The following EML6 variants were observed in gnomAD, a reference collection of about 807,000 sequenced individuals.
The protein encoded by EML6 is echinoderm microtubule-associated protein-like 6.
EML6 carries 154 observed loss-of-function variants against 240.1 expected under a neutral mutation model. The observed-to-expected ratio is 0.64, with a 90% confidence interval of 0.56 to 0.73. The LOEUF (loss-of-function observed/expected upper bound fraction) is 0.73, where lower values mean the gene tolerates loss of function less well. EML6 is among the 30% of genes least tolerant of loss of function. The probability of loss-of-function intolerance (pLI) is 0.00; values close to 1 mark genes in which losing one functional copy is unlikely to be tolerated. For missense variants in EML6, 2,964 were observed against 2,474.6 expected, an observed-to-expected ratio of 1.20 and a Z score of -4.20; for synonymous variants, 1,148 against 899.0, an observed-to-expected ratio of 1.28 and a Z score of -4.95.
chr2:54,797,177 A>AAAAAAAAAAAAC (rs1669850625), intron 2 of EML6, among the ~76,000 whole-genome samples: 5 of 132,748 alleles, frequency 3.8e-5, no homozygotes, highest in Non-Finnish European at 8.1e-5. Context: ...AAAAAAAAAA[A>AAAAAAAAAAAAC]AAAAAAAAAA....
At position 54,850,015 on chromosome 2, in the gene EML6, T is replaced by C. The variant is rs941269731; in HGVS notation, c.1241T>C (p.Met414Thr). Residue 414 changes from methionine to threonine, a missense_variant, in exon 10 of 42, where the codon ATG (methionine) becomes ACG (threonine). Transcript: ENST00000356458. ...GATCGAAAAGAAGTCATTCATGAAA[T>C]GAAATTTTCTCCAGATGGTTCTTAC... ...IKDRKEVIHEMKFSPDGSYLA... is the reference protein window; with the variant it reads ...IKDRKEVIHETKFSPDGSYLA... The C allele has an allele frequency of 5.2e-6, 8 of 1,551,684 alleles. No homozygotes were observed. Among genetic ancestry groups the C allele is most frequent in the Non-Finnish European group, 7.0e-6 (8 of 1,146,864 alleles).
chr2:54,968,785 CCCAGTTCTTACT>C lies in EML6; in HGVS notation c.5852+21_5852+32del. 7.2e-7 allele frequency: 1 copy of C among 1,396,020 alleles called. No homozygotes were observed. Among genetic ancestry groups the C allele is most frequent in the South Asian group, 1.2e-5 (1 of 80,896 alleles). The allele number at this position is 1,396,020 out of a possible 1,614,324, so 86.5% of individuals were successfully genotyped here. A position where few individuals can be genotyped will look rare whatever the true frequency, so the allele number is the denominator to read the frequency against. ...CGACTGCAGGTACTAACGTAGCTGA[CCCAGTTCTTACT>C]CCACAGGCCTGGCCAGCTCTCCCTC... On this transcript the variant is annotated intron_variant, in intron 41 of 41. Transcript: ENST00000356458.
rs1673165253 is a variant in EML6, at chr2:54,903,457, A to G, written c.3364A>G (p.Lys1122Glu). 3 of 1,551,874 alleles carry G rather than the reference A, an allele frequency of 1.9e-6. No individual in the cohort carries two copies. The African/African-American group carries it at 4.1e-5, about 21-fold the overall frequency. Residue 1122 changes from lysine to glutamate, a missense_variant, in exon 24 of 42, where the codon AAA (lysine) becomes GAA (glutamate). Coordinates refer to ENST00000356458, the MANE Select transcript of EML6 (RefSeq NM_001039753.4). Reference sequence around the variant, plus strand: ...TACAAGCAAAAGGGTTGGCATCTGTAAAGGTGCTTCTAGTTATATTACACA... The same window carrying G: ...TACAAGCAAAAGGGTTGGCATCTGTGAAGGTGCTTCTAGTTATATTACACA... ...VLTSKRVGIC[K>E]GASSYITHID...
At chr2:54,807,555 C>G (rs1406417243) in intron 2 of EML6, among the ~76,000 whole-genome samples, 2 of 152,144 alleles carry the variant, frequency 1.3e-5, no homozygotes, top group African/African-American at 4.8e-5. Flanking sequence ...CTATGGCTGA[C>G]TTCAAGCCAC....
At chr2:54,907,732 T>C (rs1244763586) in intron 24 of EML6, among the ~76,000 whole-genome samples, 1 of 152,196 alleles carries the variant, frequency 6.6e-6, no homozygotes, top group African/African-American at 2.4e-5. Flanking sequence ...TCTTTCAGTT[T>C]TTAATCTGTG....
At position 54,962,706 on chromosome 2, in the gene EML6, G is replaced by A; in HGVS notation, c.5152G>A (p.Asp1718Asn). 2.0e-6 allele frequency: 3 copies of A among 1,483,110 alleles called. No individual in the cohort carries two copies. Among genetic ancestry groups the A allele is most frequent in the Non-Finnish European group, 2.7e-6 (3 of 1,112,948 alleles). The allele number at this position is 1,483,110 out of a possible 1,614,324, so 91.9% of individuals were successfully genotyped here. A position where few individuals can be genotyped will look rare whatever the true frequency, so the allele number is the denominator to read the frequency against. Residue 1718 changes from aspartate (D) to asparagine (N), a missense_variant, in exon 36 of 42, where the codon GAC becomes AAC. Transcript: ENST00000356458. ...CACAGCCCGGATCTGGGACCTGGCT[G>A]ACAAGGTGAGGCCGACTCTGCCCAA... ...DGTARIWDLADKKLLNKVSLG... is the reference protein window; with the variant it reads ...DGTARIWDLANKKLLNKVSLG...
intron 25 of EML6, among the ~76,000 whole-genome samples, chr2:54,911,499 G>A (rs1179270925): frequency 1.3e-5 from 2 of 149,266 alleles, no homozygotes; most frequent in Non-Finnish European, 3.0e-5. Context: ...GCACCATCTT[G>A]GCTCACTGCA....
At chr2:54,955,770 C>A (rs1460235937) in intron 32 of EML6, among the ~76,000 whole-genome samples, 1 of 152,192 alleles carries the variant, frequency 6.6e-6, no homozygotes, top group Admixed American at 6.5e-5. Flanking sequence ...AAAAGAGGAG[C>A]CTGCTCTTGT....
chr2:54,847,691 A>T (rs550051939), intron 9 of EML6, 68 bp downstream of exon 9: 2 of 1,508,712 alleles, frequency 1.3e-6, no homozygotes, highest in East Asian at 2.5e-5. Flanking sequence ...TTTCCTGGTC[A>T]TAATACATGC....
Position 54,952,575 on chromosome 2 carries a change from C to G in EML6, c.4214-19C>G. 6.6e-7 allele frequency: 1 copy of G among 1,525,552 alleles called. No homozygotes were observed. The highest frequency in any genetic ancestry group is 8.9e-7 in the Non-Finnish European group (1 of 1,124,106). 94.5% of individuals were successfully genotyped at this position (1,525,552 alleles called of 1,614,324 possible). A position where few individuals can be genotyped will look rare whatever the true frequency, so the allele number is the denominator to read the frequency against. ...CTTTAGGTTCCACTGTTCACCCTCC[C>G]ATGATCTCTCTCCCCCAGGGAGCCA... On this transcript the variant is annotated intron_variant, in intron 30 of 41. Coordinates refer to ENST00000356458, the MANE Select transcript of EML6 (RefSeq NM_001039753.4).
chr2:54,730,431 A>G (rs1026227884), intron 2 of EML6, among the ~76,000 whole-genome samples: 1 of 152,234 alleles, frequency 6.6e-6, no homozygotes, highest in African/African-American at 2.4e-5. Context: ...TAAGAGAAAT[A>G]TGGAGGTAAC....
chr2:54,742,060 G>A (rs1484964061), intron 2 of EML6, among the ~76,000 whole-genome samples: 1 of 152,096 alleles, frequency 6.6e-6, no homozygotes, highest in East Asian at 1.9e-4. Context: ...ATAACAATGG[G>A]ACAAACCACA....
intron 35 of EML6, 142 bp downstream of exon 35, chr2:54,960,476 A>G (rs1676447251): frequency 1.6e-6 from 1 of 638,360 alleles, no homozygotes; most frequent in Non-Finnish European, 2.7e-6. Context: ...AGTGGGAAGC[A>G]GCTTAAGAGA....
rs34352060 is a variant in EML6 at position 54,846,923 on chromosome 2, A to ATTTTTTTTTT, written c.1050-559_1050-550dup. Among the ~76,000 whole-genome samples, 31 of 129,948 alleles carry ATTTTTTTTTT rather than the reference A, an allele frequency of 2.4e-4. 3 individuals carry two copies. In the East Asian group the frequency reaches 5.8e-3, roughly 24 times the overall value. 85.3% of individuals were successfully genotyped at this position (129,948 alleles called of 152,430 possible). ...AAAGTAATATTTTGTATGAAGTAGTATTTTTTTTTTTTTGGAGACAGGGCC... is the reference window on the plus strand; with the variant it reads ...AAAGTAATATTTTGTATGAAGTAGTATTTTTTTTTTTTTTTTTTTTTTTGGAGACAGGGCC... On this transcript the variant is annotated intron_variant, in intron 8 of 41. Transcript: ENST00000356458.
At chr2:54,878,639 A>T (rs1671648793) in intron 16 of EML6, among the ~76,000 whole-genome samples, 1 of 152,248 alleles carries the variant, frequency 6.6e-6, no homozygotes, top group Non-Finnish European at 1.5e-5. Flanking sequence ...GATAATTATT[A>T]TTCTCTTAGA....
intron 5 of EML6, among the ~76,000 whole-genome samples, chr2:54,821,508 T>C (rs1205195809): frequency 6.6e-6 from 1 of 152,136 alleles, no homozygotes; most frequent in African/African-American, 2.4e-5. Flanking sequence ...CCTATTACTT[T>C]TGTTTTTACC....
At chr2:54,851,774 T>C (rs1453070572) in intron 10 of EML6, among the ~76,000 whole-genome samples, 1 of 152,200 alleles carries the variant, frequency 6.6e-6, no homozygotes, top group Non-Finnish European at 1.5e-5. Context: ...ATGGTGATAA[T>C]GCAAAATAGT....
intron 41 of EML6, among the ~76,000 whole-genome samples, 189 bp downstream of exon 41, chr2:54,968,957 A>G (rs1417892057): frequency 6.6e-6 from 1 of 152,120 alleles, no homozygotes; most frequent in Non-Finnish European, 1.5e-5. Context: ...CTCTTTGGTG[A>G]CTGTCAACCC....
intron 5 of EML6, among the ~76,000 whole-genome samples, chr2:54,821,887 T>G (rs73935664): frequency 0.021 from 3,201 of 152,188 alleles, 122 homozygotes; most frequent in African/African-American, 0.073. Context: ...AATATTTAAC[T>G]GCTCAAATTG....
Sources: gnomAD v4.1 joint callset for allele counts (sites outside exome capture counted in the v4.1 genomes callset) on GRCh38, gnomAD v4.1.1 for gene constraint, MANE v1.5 for transcripts, NCBI Gene and HGNC (gene_info 2026-07-23, HGNC 2026-07-21) for gene names.